Variants in SREBF1 observed in about 807,000 individuals in gnomAD.
SREBF1 encodes the protein sterol regulatory element binding transcription factor 1, also known as sterol regulatory element-binding protein 1.
A neutral mutation model predicts 100.1 loss-of-function variants in SREBF1; 45 were observed. The observed-to-expected ratio is 0.45, with a 90% confidence interval of 0.35 to 0.58. SREBF1 has a LOEUF of 0.58. Among genes scored for constraint, SREBF1 ranks in the 20% least tolerant of loss-of-function variants. The pLI is 0.00. For missense variants in SREBF1, 1,324 were observed against 1,539.4 expected (o/e 0.86, Z 2.34); for synonymous variants, 657 against 681.8 (o/e 0.96, Z 0.57).
chr17:17,811,986 G>A lies in SREBF1; in HGVS notation c.*636C>T, dbSNP rs145824670. 1.1e-4 allele frequency: 49 copies of A among 444,638 alleles called. No homozygotes were observed. Among genetic ancestry groups the A allele is most frequent in the African/African-American group, 8.5e-4 (42 of 49,144 alleles). 27.5% of individuals were successfully genotyped at this position (444,638 alleles called of 1,614,324 possible). A position where few individuals can be genotyped will look rare whatever the true frequency, so the allele number is the denominator to read the frequency against. ...AAAGTTGTGTACCTTGTGGCCGGAG[G>A]GGGAGGGGAAGCCTTTCCCTAGGTG... is the stretch of plus-strand genomic sequence containing the variant. On this transcript the variant is annotated 3_prime_UTR_variant, in exon 19 of 19. Coordinates refer to ENST00000261646, the MANE Select transcript of SREBF1 (RefSeq NM_004176.5).
Position 17,817,586 on chromosome 17 carries a change from T to C in SREBF1, c.1404+110A>G. ...CCCACGTGGCTCCAGGCCTCAGTTA[T>C]TCTGTCTATGAAATGGGAGGTAGGA... On this transcript the variant is annotated intron_variant, in intron 7 of 18. Transcript: ENST00000261646. The surrounding 1 kb of genome is among the most constrained non-coding windows in gnomAD (Gnocchi z 6.6). The C allele has an allele frequency of 6.5e-7, 1 of 1,540,024 alleles. No individual in the cohort carries two copies. Among genetic ancestry groups the C allele is most frequent in the Non-Finnish European group, 8.9e-7 (1 of 1,128,738 alleles).
Position 17,836,883 on chromosome 17 carries a change from G to A in SREBF1, c.-66C>T. On this transcript the variant is annotated 5_prime_UTR_variant, in exon 1 of 19. Coordinates refer to ENST00000261646, the MANE Select transcript of SREBF1 (RefSeq NM_004176.5). ...CCTCGTACGGCCCTTCCTAGGGAGC[G>A]CCGCCGCGGCCCCGGCTCTCAGTCG... The A allele has an allele frequency of 2.2e-6, 3 of 1,391,418 alleles. No individual in the cohort carries two copies. Among genetic ancestry groups the A allele is most frequent in the East Asian group, 2.9e-5 (1 of 34,248 alleles). 86.2% of individuals were successfully genotyped at this position (1,391,418 alleles called of 1,614,324 possible).
At chr17:17,832,790 C>T (rs750978517) in intron 1 of SREBF1, among the ~76,000 whole-genome samples, 11 of 152,042 alleles carry the variant, frequency 7.2e-5, no homozygotes, top group East Asian at 2.0e-4. Context: ...CATGGTGGCA[C>T]GCACCTATAG....
chr17:17,814,138 T>C, intron 16 of SREBF1, 107 bp downstream of exon 16: 1 of 1,314,064 alleles, frequency 7.6e-7, no homozygotes, highest in Non-Finnish European at 1.1e-6. Flanking sequence ...CTGTGCTGCT[T>C]GGGCTAACCC....
chr17:17,817,026 G>C lies in SREBF1; in HGVS notation c.1717C>G (p.Arg573Gly), dbSNP rs756315141. 6.2e-7 allele frequency: 1 copy of C among 1,613,122 alleles called. No homozygotes were observed. ...LLFVYGEPVT[R>G]PHSGPAVYFW... ...TACACGGCGGGGCCTGAGTGGGGCC[G>C]TGTGACTGGCTCACCGTAGACAAAG... Residue 573 changes from arginine to glycine, a missense_variant, in exon 9 of 19, where the codon CGG (arginine) becomes GGG (glycine). Transcript: ENST00000261646. This position sits in a 1 kb window ranked among gnomAD's most constrained non-coding sequence, Gnocchi z 6.6.
Position 17,817,069 on chromosome 17 carries a change from G to A in SREBF1, c.1674C>T (p.Leu558=), listed in dbSNP as rs35602152. The A allele has an allele frequency of 1.9e-5, 30 of 1,613,154 alleles. No individual in the cohort carries two copies. The highest frequency in any genetic ancestry group is 2.2e-5 in the East Asian group (1 of 44,876). The change falls in exon 9 of 19, where the codon CTC becomes CTT. Residue 558 remains leucine, a synonymous_variant. Transcript: ENST00000261646. The surrounding 1 kb of genome is among the most constrained non-coding windows in gnomAD (Gnocchi z 6.6). ...AGACAAAGAGAAGCACCAAGGAGAC[G>A]AGCACCAACAGCCCATTGAGCAGCC... The part of the protein sequence containing the change: ...VVWLLNGLLV[L]VSLVLLFVYG...
intron 5 of SREBF1, 162 bp from the exon 6 acceptor site, chr17:17,818,536 G>A: frequency 1.5e-6 from 1 of 654,806 alleles, no homozygotes; most frequent in Non-Finnish European, 2.8e-6. Flanking sequence ...TCGCCTAGTA[G>A]CACCCACCTC....
rs1195121338 is a variant in SREBF1, at chr17:17,814,862, T to C, written c.2575A>G (p.Ile859Val). 3.8e-6 allele frequency: 6 copies of C among 1,592,802 alleles called. No individual in the cohort carries two copies. The highest frequency in any genetic ancestry group is 1.1e-5 in the South Asian group (1 of 88,226). The change falls in exon 14 of 19, where the codon ATC becomes GTC. Residue 859 changes from isoleucine to valine, a missense_variant. Coordinates refer to ENST00000261646, the MANE Select transcript of SREBF1 (RefSeq NM_004176.5). ...GTGGTGGTGGCCATGCTGGAACTGA[T>C]GGAGAAGCTGTAGGCAGGAGCCCCC... ...AAGAPAYSFSISSSMATTTGV... is the reference protein window; with the variant it reads ...AAGAPAYSFSVSSSMATTTGV...
At position 17,820,305 on chromosome 17, in the gene SREBF1, G is replaced by A. The variant is rs1232227687; in HGVS notation, c.308C>T (p.Ala103Val). 10 of 1,613,880 alleles carry A rather than the reference G, an allele frequency of 6.2e-6. No homozygotes were observed. The highest frequency in any genetic ancestry group is 3.3e-5 in the South Asian group (3 of 91,090). The change falls in exon 2 of 19, where the codon GCA (alanine) becomes GTA (valine). Residue 103 changes from alanine to valine, a missense_variant. Transcript: ENST00000261646. ...CGGGTACATCTTCAATGGAGTGGGT[G>A]CAGGCTGGGGAGGGGACAGGGGTGA... Reference protein sequence around the residue: ...APSPLSPPQPAPTPLKMYPSM... With the variant: ...APSPLSPPQPVPTPLKMYPSM...
In SREBF1 at chr17:17,819,098, T is replaced by A; in HGVS notation, c.983A>T (p.His328Leu). 6.2e-7 allele frequency: 1 copy of A among 1,614,116 alleles called. No homozygotes were observed. Among genetic ancestry groups the A allele is most frequent in the East Asian group, 2.2e-5 (1 of 44,874 alleles). ...GCGGTAGCGCTTCTCAATGGCGTTG[T>A]GGGCTGTGCGCTTCTCTCCACGGCT... is the stretch of plus-strand genomic sequence containing the variant. The part of the protein sequence containing the change: ...AQSRGEKRTA[H>L]NAIEKRYRSS... The change falls in exon 5 of 19, where the codon CAC becomes CTC. Residue 328 changes from histidine to leucine, a missense_variant. Physicochemically the swap from His to Leu is moderately conservative, Grantham distance 99. Transcript: ENST00000261646.
chr17:17,814,165 C>T (rs2143010516), intron 16 of SREBF1, 80 bp downstream of exon 16: 1 of 1,485,606 alleles, frequency 6.7e-7, no homozygotes, highest in South Asian at 1.2e-5. Context: ...CTTCTGCAGC[C>T]CCTGGGGGCT....
At chr17:17,815,182 G>A (rs367863132) in intron 13 of SREBF1, 39 bp downstream of exon 13, 389 of 1,578,058 alleles carry the variant, frequency 2.5e-4, no homozygotes, top group South Asian at 6.6e-4. Flanking sequence ...GAATCCCGCC[G>A]GAGGGGCCTT....
At position 17,815,228 on chromosome 17, in the gene SREBF1, C is replaced by A; in HGVS notation, c.2485G>T (p.Gly829Trp). Reference sequence around the variant, plus strand: ...GGGCACAACGACACTTACTTGTCCCCATCAGCTGACCCAGGGCTGGGGTTG... The same window carrying A: ...GGGCACAACGACACTTACTTGTCCCAATCAGCTGACCCAGGGCTGGGGTTG... ...QPNPSPGSADGDKEFSDALGY... is the reference protein window; with the variant it reads ...QPNPSPGSADWDKEFSDALGY... The change falls in exon 13 of 19, where the codon GGG (glycine) becomes TGG (tryptophan). Residue 829 changes from glycine to tryptophan, a missense_variant. Coordinates refer to ENST00000261646, the MANE Select transcript of SREBF1 (RefSeq NM_004176.5). 6.2e-7 allele frequency: 1 copy of A among 1,613,494 alleles called. No individual in the cohort carries two copies. Among genetic ancestry groups the A allele is most frequent in the Non-Finnish European group, 8.5e-7 (1 of 1,179,882 alleles).
chr17:17,816,041 G>A lies in SREBF1; in HGVS notation c.2215-13C>T, dbSNP rs754816475. The stretch of plus-strand genomic sequence containing the variant: ...TCAGGAAGAAGCGCTGTAGGGGAGG[G>A]TACTGGGCTGTCACAGTGGACACAG... On this transcript the variant is annotated splice_polypyrimidine_tract_variant and intron_variant, in intron 11 of 18. Coordinates refer to ENST00000261646, the MANE Select transcript of SREBF1 (RefSeq NM_004176.5). The A allele has an allele frequency of 2.5e-6, 4 of 1,610,046 alleles. No homozygotes were observed. The highest frequency in any genetic ancestry group is 1.1e-5 in the South Asian group (1 of 90,854).
chr17:17,814,866 G>A lies in SREBF1; in HGVS notation c.2571C>T (p.Phe857=), dbSNP rs2033377840. Residue 857 remains phenylalanine, a synonymous_variant, in exon 14 of 19, where the codon TTC becomes TTT. Coordinates refer to ENST00000261646, the MANE Select transcript of SREBF1 (RefSeq NM_004176.5). ...TGGTGGCCATGCTGGAACTGATGGA[G>A]AAGCTGTAGGCAGGAGCCCCCGCAG... The part of the protein sequence containing the change: ...SDAAGAPAYS[F]SISSSMATTT... The A allele has an allele frequency of 6.3e-7, 1 of 1,592,224 alleles. No individual in the cohort carries two copies. The highest frequency in any genetic ancestry group is 8.5e-7 in the Non-Finnish European group (1 of 1,170,090).
In SREBF1 at chr17:17,812,463, C is replaced by G. The variant is rs141503556; in HGVS notation, c.*159G>C. Reference sequence around the variant, plus strand: ...GTCTTAGGGTCAAGATCGCGCCCCTCGGGCCTTCCACCGCGAAGGCACACA... The same window carrying G: ...GTCTTAGGGTCAAGATCGCGCCCCTGGGGCCTTCCACCGCGAAGGCACACA... On this transcript the variant is annotated 3_prime_UTR_variant, in exon 19 of 19. Transcript: ENST00000261646. 8.4e-4 allele frequency: 635 copies of G among 757,916 alleles called. 3 individuals are homozygous for G. In the African/African-American group the frequency reaches 9.6e-3, roughly 11 times the overall value. The allele number at this position is 757,916 out of a possible 1,614,324, so 46.9% of individuals were successfully genotyped here. A position where few individuals can be genotyped will look rare whatever the true frequency, so the allele number is the denominator to read the frequency against.
rs1392086268 is a variant in SREBF1 at position 17,819,675 on chromosome 17, A to G, written c.574T>C (p.Ser192Pro). The G allele has an allele frequency of 3.1e-6, 5 of 1,611,630 alleles. No individual in the cohort carries two copies. The highest frequency in any genetic ancestry group is 4.2e-6 in the Non-Finnish European group (5 of 1,179,148). Residue 192 changes from serine (S) to proline (P), a missense_variant, in exon 3 of 19, where the codon TCC becomes CCC. Transcript: ENST00000261646. ...GAGACGGGCGGGACCCCTGGCGGGG[A>G]AGCCAGTGGCAGGCCAGGCAGCGGC... ...QQPLPGLPLA[S>P]PPGVPPVSLH...
rs919662616 is a variant in SREBF1, at chr17:17,824,170, G to A, written c.92-3649C>T. Among the ~76,000 whole-genome samples the A allele has an allele frequency of 6.6e-6, 1 of 152,242 alleles. No individual in the cohort carries two copies. The highest frequency in any genetic ancestry group is 2.4e-5 in the African/African-American group (1 of 41,478). On this transcript the variant is annotated intron_variant, in intron 1 of 18. Coordinates refer to ENST00000261646, the MANE Select transcript of SREBF1 (RefSeq NM_004176.5). The surrounding 1 kb of genome is among the most constrained non-coding windows in gnomAD (Gnocchi z 4.2). ...GTGCAGCACTTAGTACGCAAGAAGCGTTTAATTAAGGCCAAGGGCTGCCGA... is the reference window on the plus strand; with the variant it reads ...GTGCAGCACTTAGTACGCAAGAAGCATTTAATTAAGGCCAAGGGCTGCCGA...
chr17:17,818,582 A>G (rs887091307), intron 5 of SREBF1: 3 of 607,264 alleles, frequency 4.9e-6, no homozygotes, highest in Non-Finnish European at 9.1e-6. Context: ...TAAGATGCAG[A>G]CAGCAGGGTC....
Sources: allele counts gnomAD v4.1 joint callset (sites outside exome capture counted in the v4.1 genomes callset), GRCh38; gene constraint gnomAD v4.1.1; non-coding constraint Gnocchi (gnomAD v3.1); transcripts MANE v1.5; gene names NCBI Gene and HGNC (gene_info 2026-07-23, HGNC 2026-07-21).